Variants in ITPK1 observed in about 807,000 individuals in gnomAD.
ITPK1 encodes the protein inositol 1,3,4-trisphosphate 5/6-kinase.
Under a neutral mutation model 45.3 loss-of-function variants are expected in ITPK1, and 21 were observed. That is an observed-to-expected ratio of 0.46 (90% CI 0.33 to 0.67). The LOEUF is 0.67. ITPK1 is among the 30% of genes least tolerant of loss of function. The pLI is 0.02. For missense variants in ITPK1, 474 were observed against 573.5 expected (o/e 0.83, Z 1.77); for synonymous variants, 258 against 253.6 (o/e 1.02, Z -0.16).
In ITPK1 at chr14:92,940,687, G is replaced by T. The variant is rs1263629964; in HGVS notation, c.*874C>A. 7.8e-7 allele frequency: 1 copy of T among 1,283,168 alleles called. No individual in the cohort carries two copies. The highest frequency in any genetic ancestry group is 1.5e-5 in the African/African-American group (1 of 65,670). The allele number at this position is 1,283,168 out of a possible 1,614,324, so 79.5% of individuals were successfully genotyped here. A position where few individuals can be genotyped will look rare whatever the true frequency, so the allele number is the denominator to read the frequency against. On this transcript the variant is annotated 3_prime_UTR_variant, in exon 11 of 11. Coordinates refer to ENST00000267615, the MANE Select transcript of ITPK1 (RefSeq NM_014216.6). ...TAGGGCACAAAGCCAGCCCTGTGGT[G>T]CTCTCTGATCTCAAATGTCCACTAG...
At chr14:92,988,588 CCCTA>C (rs1421113902) in intron 5 of ITPK1, among the ~76,000 whole-genome samples, 1 of 152,208 alleles carries the variant, frequency 6.6e-6, no homozygotes, top group Admixed American at 6.5e-5. Context: ...AGAGCCCCAT[CCCTA>C]CCTATCTTTG....
intron 3 of ITPK1, among the ~76,000 whole-genome samples, chr14:93,023,792 C>A (rs1441919627): frequency 6.6e-6 from 1 of 152,096 alleles, no homozygotes; most frequent in South Asian, 2.1e-4. Context: ...AAGGCAGGAG[C>A]CTTGATAGAG....
chr14:93,031,295 C>T (rs1889044004), intron 3 of ITPK1, among the ~76,000 whole-genome samples: 1 of 151,836 alleles, frequency 6.6e-6, no homozygotes, highest in Non-Finnish European at 1.5e-5. Flanking sequence ...GAGGTGGGGG[C>T]ACGATTGGAG....
intron 2 of ITPK1, among the ~76,000 whole-genome samples, chr14:93,078,146 G>A (rs374350228): frequency 1.3e-5 from 2 of 152,172 alleles, no homozygotes; most frequent in African/African-American, 2.4e-5. Context: ...CCCAGCACTC[G>A]GAGGGTACAA....
At chr14:93,009,327 C>G (rs1168982263) in intron 4 of ITPK1, among the ~76,000 whole-genome samples, 3 of 152,130 alleles carry the variant, frequency 2.0e-5, no homozygotes, top group Non-Finnish European at 4.4e-5. Context: ...GCTGAAAAAC[C>G]CTGACCGTCC....
chr14:93,052,542 T>C (rs973558645), intron 3 of ITPK1, among the ~76,000 whole-genome samples: 1 of 152,120 alleles, frequency 6.6e-6, no homozygotes, highest in Non-Finnish European at 1.5e-5. Flanking sequence ...TTATCTGTCC[T>C]TCTGTGAGGG....
At chr14:92,971,701 A>C (rs1351225194) in intron 5 of ITPK1, among the ~76,000 whole-genome samples, 2 of 152,184 alleles carry the variant, frequency 1.3e-5, no homozygotes, top group Non-Finnish European at 2.9e-5. Context: ...AAGCAAAAGG[A>C]GGGCCAGCCC....
rs545158519 is a variant in ITPK1, at chr14:93,036,207, G to A, written c.121-19406C>T. The stretch of plus-strand genomic sequence containing the variant: ...CGGGGAGCAGAGGCCACAACCGGAG[G>A]GACACTGTCCCCGTCCTACTGGGAA... On this transcript the variant is annotated intron_variant, in intron 3 of 10. Coordinates refer to ENST00000267615, the MANE Select transcript of ITPK1 (RefSeq NM_014216.6). This position sits in a 1 kb window ranked among gnomAD's most constrained non-coding sequence, Gnocchi z 4.1. Among the ~76,000 whole-genome samples, 89 of 152,260 alleles carry A rather than the reference G, an allele frequency of 5.8e-4. No homozygotes were observed. Among genetic ancestry groups the A allele is most frequent in the African/African-American group, 2.0e-3 (82 of 41,544 alleles).
intron 3 of ITPK1, among the ~76,000 whole-genome samples, chr14:93,043,709 G>A (rs1889660923): frequency 6.6e-6 from 1 of 152,214 alleles, no homozygotes; most frequent in Non-Finnish European, 1.5e-5. Context: ...CCCAAGGCTG[G>A]GGGTGGTGTC....
intron 4 of ITPK1, among the ~76,000 whole-genome samples, chr14:93,013,305 A>AAC (rs1021509710): frequency 8.5e-4 from 69 of 81,106 alleles, no homozygotes; most frequent in Middle Eastern, 5.2e-3. Flanking sequence ...AAACAAAAAC[A>AAC]AAAAAAATCC....
intron 3 of ITPK1, chr14:93,066,219 G>A (rs1448225874): frequency 3.1e-5 from 14 of 455,668 alleles, no homozygotes; most frequent in East Asian, 2.1e-4. Context: ...GCCAGACCAC[G>A]TGCTCCTCAG....
In ITPK1 at chr14:93,033,504, C is replaced by T. The variant is rs118090334; in HGVS notation, c.121-16703G>A. 6.5e-3 allele frequency among the ~76,000 whole-genome samples: 993 copies of T among 152,278 alleles called. 9 individuals are homozygous for T. The highest frequency in any genetic ancestry group is 0.01 in the Admixed American group (160 of 15,296). ...ATCAGAACCAGGGTCTAGAGAGGGA[C>T]CACTGATGAGTAATCAGTCAACAGT... On this transcript the variant is annotated intron_variant, in intron 3 of 10. Transcript: ENST00000267615.
At chr14:93,007,420 C>T (rs1003892361) in intron 4 of ITPK1, among the ~76,000 whole-genome samples, 6 of 151,078 alleles carry the variant, frequency 4.0e-5, no homozygotes, top group African/African-American at 1.5e-4. Flanking sequence ...TGCCTCCTGG[C>T]AGCCCATGGG....
intron 2 of ITPK1, among the ~76,000 whole-genome samples, chr14:93,091,950 A>T (rs1454366928): frequency 6.6e-6 from 1 of 152,094 alleles, no homozygotes; most frequent in Non-Finnish European, 1.5e-5. Context: ...CCTCTTCAGG[A>T]CCCTGGGTTT....
Position 92,959,456 on chromosome 14 carries a change from A to T in ITPK1, c.505-1090T>A, listed in dbSNP as rs980864543. ...GGACAGACGTGGAAATCCAGGCCAC[A>T]TGGGAAAAACAAAAAGTGTGTGTCT... On this transcript the variant is annotated intron_variant, in intron 7 of 10. Coordinates refer to ENST00000267615, the MANE Select transcript of ITPK1 (RefSeq NM_014216.6). Among the ~76,000 whole-genome samples, 5 of 152,204 alleles carry T rather than the reference A, an allele frequency of 3.3e-5. No individual in the cohort carries two copies. In the East Asian group the frequency reaches 9.6e-4, roughly 29 times the overall value.
chr14:92,940,995 TG>T lies in ITPK1; in HGVS notation c.*565del. Reference sequence around the variant, plus strand: ...CCCCTGAGGGGTCTGTGGCCTCCTCTGGCTGTGGGGAGGGAGGGGTTAGCTG... The same window carrying T: ...CCCCTGAGGGGTCTGTGGCCTCCTCTGCTGTGGGGAGGGAGGGGTTAGCTG... On this transcript the variant is annotated 3_prime_UTR_variant, in exon 11 of 11. Coordinates refer to ENST00000267615, the MANE Select transcript of ITPK1 (RefSeq NM_014216.6). 7.9e-7 allele frequency: 1 copy of T among 1,272,302 alleles called. No individual in the cohort carries two copies. Among genetic ancestry groups the T allele is most frequent in the Non-Finnish European group, 1.0e-6 (1 of 979,766 alleles). 78.8% of individuals were successfully genotyped at this position (1,272,302 alleles called of 1,614,324 possible).
Position 92,940,221 on chromosome 14 carries a change from C to A in ITPK1, c.*1340G>T, listed in dbSNP as rs995906893. On this transcript the variant is annotated 3_prime_UTR_variant, in exon 11 of 11. Coordinates refer to ENST00000267615, the MANE Select transcript of ITPK1 (RefSeq NM_014216.6). Reference sequence around the variant, plus strand: ...CCATCTCACTGGGCAGAGGACAGCCCGGAAGCCTTTTTCACTTTTTCAAAG... The same window carrying A: ...CCATCTCACTGGGCAGAGGACAGCCAGGAAGCCTTTTTCACTTTTTCAAAG... The A allele has an allele frequency of 1.0e-6, 1 of 986,480 alleles. No individual in the cohort carries two copies. 61.1% of individuals were successfully genotyped at this position (986,480 alleles called of 1,614,324 possible).
intron 3 of ITPK1, chr14:93,066,216 C>T (rs1194654671): frequency 2.2e-6 from 1 of 455,630 alleles, no homozygotes; most frequent in South Asian, 1.6e-5. Context: ...AGGGCCAGAC[C>T]ACGTGCTCCT....
chr14:93,004,554 G>A (rs925984273), intron 4 of ITPK1, among the ~76,000 whole-genome samples: 7 of 151,868 alleles, frequency 4.6e-5, no homozygotes, highest in Admixed American at 3.9e-4. Flanking sequence ...GAGTGAGTGC[G>A]TGTGTGTGTA....
Sources: allele counts gnomAD v4.1 joint callset (sites outside exome capture counted in the v4.1 genomes callset), GRCh38; gene constraint gnomAD v4.1.1; non-coding constraint Gnocchi (gnomAD v3.1); transcripts MANE v1.5; gene names NCBI Gene and HGNC (gene_info 2026-07-23, HGNC 2026-07-21).